Variants in ROR1 observed in about 807,000 individuals in gnomAD.
The protein encoded by ROR1 is ROR family WNT receptor 1, also known as inactive tyrosine-protein kinase transmembrane receptor ROR1.
Under a neutral mutation model 78.8 loss-of-function variants are expected in ROR1, and 19 were observed. The observed-to-expected ratio is 0.24, with a 90% CI of 0.17 to 0.35. The LOEUF is 0.35. Ranked by LOEUF, ROR1 falls within the 10% of genes least tolerant of loss-of-function variation. The pLI is 1.00. For missense variants in ROR1, 917 were observed against 1,177.8 expected (o/e 0.78, Z 3.24); for synonymous variants, 386 against 433.6 (o/e 0.89, Z 1.36).
chr1:63,938,666 G>C (rs950433506), intron 1 of ROR1, among the ~76,000 whole-genome samples: 1 of 152,132 alleles, frequency 6.6e-6, no homozygotes, highest in African/African-American at 2.4e-5. Context: ...TCAAATTTTT[G>C]TTTGTCCTTG....
At chr1:63,808,152 A>G (rs1644840257) in intron 1 of ROR1, among the ~76,000 whole-genome samples, 1 of 152,174 alleles carries the variant, frequency 6.6e-6, no homozygotes, top group African/African-American at 2.4e-5. Context: ...CTTGCAGCTG[A>G]ATATGGTCAT....
At chr1:64,172,730 A>G (rs1424881415) in intron 8 of ROR1, among the ~76,000 whole-genome samples, 3 of 152,220 alleles carry the variant, frequency 2.0e-5, no homozygotes, top group Non-Finnish European at 4.4e-5. Context: ...TAACCCCTTA[A>G]CTTGAAATGA....
At chr1:64,031,933 A>G (rs1029469626) in intron 2 of ROR1, among the ~76,000 whole-genome samples, 6 of 152,062 alleles carry the variant, frequency 3.9e-5, no homozygotes, top group Admixed American at 1.3e-4. Flanking sequence ...TGGTCAGAAG[A>G]AAGATGACAA....
chr1:63,957,725 C>G (rs767568522), intron 1 of ROR1, among the ~76,000 whole-genome samples: 1 of 151,750 alleles, frequency 6.6e-6, no homozygotes, highest in African/African-American at 2.4e-5. Context: ...AATTGATAAC[C>G]CTTTTTTTGT....
At chr1:64,083,756 G>A (rs1261708834) in intron 4 of ROR1, among the ~76,000 whole-genome samples, 1 of 152,048 alleles carries the variant, frequency 6.6e-6, no homozygotes, top group Non-Finnish European at 1.5e-5. Context: ...GAGATATAAG[G>A]GGTGAGAGTG....
At chr1:64,045,590 A>C (rs1305580446) in intron 2 of ROR1, among the ~76,000 whole-genome samples, 1 of 152,148 alleles carries the variant, frequency 6.6e-6, no homozygotes, top group Non-Finnish European at 1.5e-5. Context: ...ATTTGTTTAA[A>C]ATCTCACTTC....
chr1:63,783,923 G>C (rs1644668623), intron 1 of ROR1, among the ~76,000 whole-genome samples: 1 of 152,174 alleles, frequency 6.6e-6, no homozygotes, highest in Non-Finnish European at 1.5e-5. Flanking sequence ...AGAGAAGTAA[G>C]TAACCTGCCC....
intron 4 of ROR1, among the ~76,000 whole-genome samples, chr1:64,078,312 C>G (rs148253577): frequency 6.6e-6 from 1 of 152,004 alleles, no homozygotes; most frequent in South Asian, 2.1e-4. Context: ...GAGATCATTG[C>G]GGGCACAGGA....
At chr1:63,926,424 G>A (rs1645704493) in intron 1 of ROR1, among the ~76,000 whole-genome samples, 1 of 152,198 alleles carries the variant, frequency 6.6e-6, no homozygotes. Context: ...TTGTAGTATA[G>A]TTTGAAGTCA....
intron 7 of ROR1, among the ~76,000 whole-genome samples, chr1:64,152,608 C>G (rs905304337): frequency 1.3e-5 from 2 of 152,100 alleles, no homozygotes; most frequent in Non-Finnish European, 2.9e-5. Context: ...GTAGATTTGT[C>G]TAATCATGGA....
At chr1:64,149,072 T>A (rs1649551518) in intron 7 of ROR1, among the ~76,000 whole-genome samples, 1 of 152,200 alleles carries the variant, frequency 6.6e-6, no homozygotes, top group African/African-American at 2.4e-5. Flanking sequence ...TTATGTCTGC[T>A]CTTATGTGCG....
At chr1:63,942,753 T>C (rs1645851272) in intron 1 of ROR1, among the ~76,000 whole-genome samples, 1 of 152,164 alleles carries the variant, frequency 6.6e-6, no homozygotes, top group East Asian at 1.9e-4. Context: ...TTCTACCTCC[T>C]ACTCTTCCCC....
In ROR1 at chr1:64,142,316, C is replaced by T. The variant is rs1306524461; in HGVS notation, c.929-89C>T. 3.2e-6 allele frequency: 5 copies of T among 1,543,502 alleles called. No individual in the cohort carries two copies. In the East Asian group the frequency reaches 9.2e-5, roughly 29 times the overall value. On this transcript the variant is annotated intron_variant, in intron 6 of 8. Transcript: ENST00000371079. ...CTGTGGCCACGAGGTTAATTACCTG[C>T]CCTCCCCTCCAGAAACTGCTGGCTA...
At chr1:63,870,789 C>T (rs1442643420) in intron 1 of ROR1, among the ~76,000 whole-genome samples, 1 of 152,028 alleles carries the variant, frequency 6.6e-6, no homozygotes, top group African/African-American at 2.4e-5. Flanking sequence ...TCCAAGAGTC[C>T]CCAAAGTGTG....
chr1:64,033,568 A>G (rs1646677754), intron 2 of ROR1, among the ~76,000 whole-genome samples: 1 of 152,240 alleles, frequency 6.6e-6, no homozygotes, highest in African/African-American at 2.4e-5. Flanking sequence ...GAAGTGGTTT[A>G]GAGGTTTTAA....
chr1:63,815,791 C>G (rs374485076), intron 1 of ROR1, among the ~76,000 whole-genome samples: 11 of 152,154 alleles, frequency 7.2e-5, no homozygotes, highest in African/African-American at 2.6e-4. Context: ...ATGTGGGGAA[C>G]CGCCATGAAT....
chr1:64,086,260 G>C (rs901258501), intron 4 of ROR1, among the ~76,000 whole-genome samples: 5 of 152,234 alleles, frequency 3.3e-5, no homozygotes, highest in African/African-American at 1.2e-4. Context: ...GAGGTTCAGA[G>C]AAGTTAAGAA....
chr1:63,981,584 G>A (rs1330868514), intron 1 of ROR1, among the ~76,000 whole-genome samples: 1 of 152,116 alleles, frequency 6.6e-6, no homozygotes, highest in Non-Finnish European at 1.5e-5. Flanking sequence ...CATGGATCCT[G>A]CCAGACTGCA....
chr1:63,810,954 A>G (rs1370426565), intron 1 of ROR1, among the ~76,000 whole-genome samples: 1 of 152,238 alleles, frequency 6.6e-6, no homozygotes, highest in Non-Finnish European at 1.5e-5. Flanking sequence ...TGTGGACCCC[A>G]GGAACTCACA....
Sources: gnomAD v4.1 joint callset for allele counts (sites outside exome capture counted in the v4.1 genomes callset) on GRCh38, gnomAD v4.1.1 for gene constraint, MANE v1.5 for transcripts, NCBI Gene and HGNC (gene_info 2026-07-23, HGNC 2026-07-21) for gene names.